The following SAMD15 variants were observed in gnomAD, a reference collection of about 807,000 sequenced individuals.
SAMD15 encodes sterile alpha motif domain containing 15, also known as sterile alpha motif domain-containing protein 15.
In SAMD15, 37 loss-of-function variants were observed where a neutral mutation model predicts 50.5. The ratio of observed to expected loss-of-function variants is 0.73; its 90% CI spans 0.56 to 0.96. SAMD15 has a LOEUF of 0.96. Among genes scored for constraint, SAMD15 ranks in the 40% least tolerant of loss-of-function variants. SAMD15 has a pLI of 0.00. For missense variants in SAMD15, 789 were observed against 783.8 expected (o/e 1.01, Z -0.08); for synonymous variants, 255 against 282.8 (o/e 0.90, Z 0.99).
intron 2 of SAMD15, among the ~76,000 whole-genome samples, 163 bp from the exon 3 acceptor site, chr14:77,390,845 G>A (rs895120667): frequency 1.3e-5 from 2 of 152,242 alleles, no homozygotes; most frequent in Admixed American, 6.5e-5. Flanking sequence ...AGCCAAGATC[G>A]CGCCACTGCA....
Position 77,378,361 on chromosome 14 carries a change from C to T in SAMD15, c.943C>T (p.His315Tyr), listed in dbSNP as rs747015262. 1 of 1,613,196 alleles carries T rather than the reference C, an allele frequency of 6.2e-7. No individual in the cohort carries two copies. Among genetic ancestry groups the T allele is most frequent in the African/African-American group, 1.3e-5 (1 of 74,908 alleles). Reference protein sequence around the residue: ...PERTKPDFPDHKPRKSTDENV... With the variant: ...PERTKPDFPDYKPRKSTDENV... ...GCGGACTAAACCAGACTTTCCAGACCACAAGCCAAGAAAGTCTACTGATGA... is the reference window on the plus strand; with the variant it reads ...GCGGACTAAACCAGACTTTCCAGACTACAAGCCAAGAAAGTCTACTGATGA... The change falls in exon 1 of 3, where the codon CAC (histidine) becomes TAC (tyrosine). Residue 315 changes from histidine to tyrosine, a missense_variant. His to Tyr is a moderately conservative substitution (Grantham distance 83). Around this residue, in one of 2 missense-constraint regions of SAMD15, gnomAD observed 770 missense variants for 745.4 expected, o/e 1.03. Coordinates refer to ENST00000216471, the MANE Select transcript of SAMD15 (RefSeq NM_001010860.4).
rs1422166096 is a variant in SAMD15, at chr14:77,378,160, T to G, written c.742T>G (p.Ser248Ala). Reference sequence around the variant, plus strand: ...GACTCCAGAGGAGACACAAAGAGAGTCAACTGAGAAGAAAAGGACAGAGCC... The same window carrying G: ...GACTCCAGAGGAGACACAAAGAGAGGCAACTGAGAAGAAAAGGACAGAGCC... ...PETPEETQRE[S>A]TEKKRTEPPE... Residue 248 changes from serine (S) to alanine (A), a missense_variant, in exon 1 of 3, where the codon TCA becomes GCA. Physicochemically the swap from Ser to Ala is moderately conservative, Grantham distance 99. This residue lies in a region of SAMD15 where 770 missense variants were observed against 745.4 expected (regional missense o/e 1.03). Coordinates refer to ENST00000216471, the MANE Select transcript of SAMD15 (RefSeq NM_001010860.4). 3.1e-6 allele frequency: 5 copies of G among 1,609,816 alleles called. No homozygotes were observed. The highest frequency in any genetic ancestry group is 4.2e-6 in the Non-Finnish European group (5 of 1,179,012).
chr14:77,379,042 C>T lies in SAMD15; in HGVS notation c.1624C>T (p.His542Tyr). 6.2e-7 allele frequency: 1 copy of T among 1,613,818 alleles called. No homozygotes were observed. Among genetic ancestry groups the T allele is most frequent in the South Asian group, 1.1e-5 (1 of 91,078 alleles). Residue 542 changes from histidine (H) to tyrosine (Y), a missense_variant, in exon 1 of 3, where the codon CAT becomes TAT. This residue lies in a region of SAMD15 where 770 missense variants were observed against 745.4 expected (regional missense o/e 1.03). Transcript: ENST00000216471. ...AAAAGGGACTGAGTTACAATTTGAG[C>T]ATCTTAATTGGGATCCAGAGGAAGT... ...PEKGTELQFE[H>Y]LNWDPEEVAE... is the part of the protein sequence containing the mutation.
chr14:77,378,702 A>G lies in SAMD15; in HGVS notation c.1284A>G (p.Ile428Met), dbSNP rs774720311. 9 of 1,614,004 alleles carry G rather than the reference A, an allele frequency of 5.6e-6. No homozygotes were observed. The highest frequency in any genetic ancestry group is 1.7e-5 in the Admixed American group (1 of 59,972). Residue 428 changes from isoleucine to methionine, a missense_variant, in exon 1 of 3, where the codon ATA (isoleucine) becomes ATG (methionine). Ile to Met is a conservative substitution (Grantham distance 10). This residue lies in a region of SAMD15 where 770 missense variants were observed against 745.4 expected (regional missense o/e 1.03). Coordinates refer to ENST00000216471, the MANE Select transcript of SAMD15 (RefSeq NM_001010860.4). ...CCAAGGAAGACAGGCCAGAACCAATAAAGTCTAAGTATTCTGTAGGAAACG... is the reference window on the plus strand; with the variant it reads ...CCAAGGAAGACAGGCCAGAACCAATGAAGTCTAAGTATTCTGTAGGAAACG... The part of the protein sequence containing the change: ...EFSKEDRPEP[I>M]KSKYSVGNDE...
In SAMD15 at chr14:77,391,318, T is replaced by G; in HGVS notation, c.*74T>G. 2 of 1,025,628 alleles carry G rather than the reference T, an allele frequency of 2.0e-6. No individual in the cohort carries two copies. The highest frequency in any genetic ancestry group is 2.9e-6 in the Non-Finnish European group (2 of 686,444). 63.5% of individuals were successfully genotyped at this position (1,025,628 alleles called of 1,614,324 possible). The stretch of plus-strand genomic sequence containing the variant: ...GGAAGAGGTATGGTCTTTTTTGGTT[T>G]TCTTTTTCTCCTTTTTTTTTTTTTT... On this transcript the variant is annotated 3_prime_UTR_variant, in exon 3 of 3. Transcript: ENST00000216471.
rs1463997382 is a variant in SAMD15, at chr14:77,377,562, A to G, written c.144A>G (p.Pro48=). 2.5e-6 allele frequency: 4 copies of G among 1,614,164 alleles called. No homozygotes were observed. Among genetic ancestry groups the G allele is most frequent in the Admixed American group, 1.7e-5 (1 of 60,024 alleles). Residue 48 remains proline (P), a synonymous_variant, in exon 1 of 3, where the codon CCA becomes CCG. Transcript: ENST00000216471. ...DTMAKADSKL[P]AEIYQEPQPE... ...TGGCAAAGGCAGACTCGAAGCTACC[A>G]GCAGAGATTTACCAAGAGCCACAGC...
In SAMD15 at chr14:77,378,710, A is replaced by T. The variant is rs772253411; in HGVS notation, c.1292A>T (p.Lys431Met). ...KEDRPEPIKS[K>M]YSVGNDELEH... The stretch of plus-strand genomic sequence containing the variant: ...GACAGGCCAGAACCAATAAAGTCTA[A>T]GTATTCTGTAGGAAACGATGAGCTA... Residue 431 changes from lysine (K) to methionine (M), a missense_variant, in exon 1 of 3, where the codon AAG becomes ATG. Coordinates refer to ENST00000216471, the MANE Select transcript of SAMD15 (RefSeq NM_001010860.4). 8 of 1,613,866 alleles carry T rather than the reference A, an allele frequency of 5.0e-6. No individual in the cohort carries two copies. The South Asian group carries it at 8.8e-5, about 18-fold the overall frequency.
rs1257048565 is a variant in SAMD15, at chr14:77,378,373, A to G, written c.955A>G (p.Lys319Glu). Residue 319 changes from lysine (K) to glutamate (E), a missense_variant, in exon 1 of 3, where the codon AAG becomes GAG. Transcript: ENST00000216471. ...AGACTTTCCAGACCACAAGCCAAGA[A>G]AGTCTACTGATGAGAACGTTCCTGA... ...KPDFPDHKPRKSTDENVPEPL... is the reference protein window; with the variant it reads ...KPDFPDHKPRESTDENVPEPL... 1.2e-6 allele frequency: 2 copies of G among 1,613,574 alleles called. No homozygotes were observed. Among genetic ancestry groups the G allele is most frequent in the Non-Finnish European group, 1.7e-6 (2 of 1,179,928 alleles).
chr14:77,386,917 A>G (rs1002745134), intron 2 of SAMD15, among the ~76,000 whole-genome samples: 1 of 152,232 alleles, frequency 6.6e-6, no homozygotes, highest in Non-Finnish European at 1.5e-5. Context: ...AACCACAGGC[A>G]TTGCAGGTAA....
Position 77,378,666 on chromosome 14 carries a change from T to C in SAMD15, c.1248T>C (p.His416=), listed in dbSNP as rs1893895458. The change falls in exon 1 of 3, where the codon CAT becomes CAC. Residue 416 remains histidine, a synonymous_variant. Coordinates refer to ENST00000216471, the MANE Select transcript of SAMD15 (RefSeq NM_001010860.4). The part of the protein sequence containing the change: ...LPDETKPRET[H]VEFSKEDRPE... ...ATGAAACCAAACCAAGGGAGACACA[T>C]GTAGAATTTTCCAAGGAAGACAGGC... The C allele has an allele frequency of 2.5e-6, 4 of 1,613,836 alleles. No homozygotes were observed. The highest frequency in any genetic ancestry group is 1.7e-5 in the Admixed American group (1 of 59,978).
At chr14:77,381,322 A>T (rs996350392) in intron 2 of SAMD15, among the ~76,000 whole-genome samples, 1 of 152,180 alleles carries the variant, frequency 6.6e-6, no homozygotes, top group Admixed American at 6.5e-5. Context: ...CCTTTGCATA[A>T]CAGTACCCTC....
intron 2 of SAMD15, among the ~76,000 whole-genome samples, chr14:77,386,107 T>C (rs1022758182): frequency 6.6e-6 from 1 of 152,110 alleles, no homozygotes; most frequent in African/African-American, 2.4e-5. Flanking sequence ...CCACCCACCT[T>C]GGCCTCTCAA....
chr14:77,378,354 T>A lies in SAMD15; in HGVS notation c.936T>A (p.Phe312Leu). Residue 312 changes from phenylalanine to leucine, a missense_variant, in exon 1 of 3, where the codon TTT becomes TTA. Physicochemically the swap from Phe to Leu is conservative, Grantham distance 22. Coordinates refer to ENST00000216471, the MANE Select transcript of SAMD15 (RefSeq NM_001010860.4). ...TACCTGAGCGGACTAAACCAGACTT[T>A]CCAGACCACAAGCCAAGAAAGTCTA... ...TELPERTKPD[F>L]PDHKPRKSTD... is the part of the protein sequence containing the mutation. 4 of 1,612,888 alleles carry A rather than the reference T, an allele frequency of 2.5e-6. No individual in the cohort carries two copies. Among genetic ancestry groups the A allele is most frequent in the Non-Finnish European group, 3.4e-6 (4 of 1,179,768 alleles).
intron 2 of SAMD15, among the ~76,000 whole-genome samples, chr14:77,384,076 T>C (rs1893978650): frequency 6.6e-6 from 1 of 151,436 alleles, no homozygotes; most frequent in Non-Finnish European, 1.5e-5. Context: ...CTTACTGATA[T>C]ACACAGCTTT....
chr14:77,378,743 G>A lies in SAMD15; in HGVS notation c.1325G>A (p.Arg442His), dbSNP rs749881791. 55 of 1,612,304 alleles carry A rather than the reference G, an allele frequency of 3.4e-5. No individual in the cohort carries two copies. The highest frequency in any genetic ancestry group is 2.2e-4 in the Admixed American group (13 of 59,500). Residue 442 changes from arginine to histidine, a missense_variant, in exon 1 of 3, where the codon CGT becomes CAT. Arg to His is a conservative substitution (Grantham distance 29). This residue lies in a region of SAMD15 where 770 missense variants were observed against 745.4 expected (regional missense o/e 1.03). Transcript: ENST00000216471. ...YSVGNDELEH[R>H]EPKRGKLSLS... The stretch of plus-strand genomic sequence containing the variant: ...GTAGGAAACGATGAGCTAGAGCACC[G>A]TGAGCCTAAAAGAGGAAAGTTGTCA...
At position 77,378,628 on chromosome 14, in the gene SAMD15, C is replaced by G; in HGVS notation, c.1210C>G (p.Leu404Val). ...KTQTKPTEKI[L>V]ELPDETKPRE... ...ACAAACAAAGCCAACTGAGAAAATT[C>G]TAGAGTTACCAGATGAAACCAAACC... The change falls in exon 1 of 3, where the codon CTA becomes GTA. Residue 404 changes from leucine (L) to valine (V), a missense_variant. Around this residue, in one of 2 missense-constraint regions of SAMD15, gnomAD observed 770 missense variants for 745.4 expected, o/e 1.03. Coordinates refer to ENST00000216471, the MANE Select transcript of SAMD15 (RefSeq NM_001010860.4). The G allele has an allele frequency of 6.2e-7, 1 of 1,614,018 alleles. No homozygotes were observed. The highest frequency in any genetic ancestry group is 8.5e-7 in the Non-Finnish European group (1 of 1,180,020).
At chr14:77,381,455 T>C (rs1594861290) in intron 2 of SAMD15, among the ~76,000 whole-genome samples, 2 of 152,190 alleles carry the variant, frequency 1.3e-5, no homozygotes, top group South Asian at 4.1e-4. Context: ...ATGGTTTTGC[T>C]CAGCACACCC....
chr14:77,383,925 G>T (rs1283245182), intron 2 of SAMD15, among the ~76,000 whole-genome samples: 1 of 140,230 alleles, frequency 7.1e-6, no homozygotes, highest in Admixed American at 7.8e-5. Flanking sequence ...AGCCAAGATT[G>T]TGCTCTCCAT....
intron 2 of SAMD15, among the ~76,000 whole-genome samples, chr14:77,387,291 C>G (rs1894015961): frequency 6.6e-6 from 1 of 151,976 alleles, no homozygotes; most frequent in Admixed American, 6.6e-5. Context: ...TAAAAGTTAG[C>G]CAGGTGTGGT....
Sources: allele counts gnomAD v4.1 joint callset (sites outside exome capture counted in the v4.1 genomes callset), GRCh38; gene constraint gnomAD v4.1.1; regional missense constraint gnomAD v4.1.1; transcripts MANE v1.5; gene names NCBI Gene and HGNC (gene_info 2026-07-23, HGNC 2026-07-21).